Variants in PHACTR3 observed in about 807,000 individuals in gnomAD.
PHACTR3 encodes the protein protein phosphatase 1, regulatory subunit 123.
In PHACTR3, 16 loss-of-function variants were observed where a neutral mutation model predicts 66.8. That is an observed-to-expected ratio of 0.24 (90% confidence interval 0.16 to 0.36). The LOEUF (loss-of-function observed/expected upper bound fraction) is 0.36. PHACTR3 is among the 10% of genes least tolerant of loss of function. The pLI, the probability that PHACTR3 is intolerant of heterozygous loss-of-function variation, is 1.00. For synonymous variants in PHACTR3, 323 were observed against 292.1 expected (o/e 1.11, Z -1.08); for missense variants, 647 against 719.9 (o/e 0.90, Z 1.16).
chr20:59,608,645 G>A (rs953107622), intron 1 of PHACTR3, among the ~76,000 whole-genome samples: 2 of 152,094 alleles, frequency 1.3e-5, no homozygotes, highest in Non-Finnish European at 2.9e-5. Flanking sequence ...TCCCATCACT[G>A]CTCCTCACCA....
At position 59,747,810 on chromosome 20, in the gene PHACTR3, G is replaced by A; in HGVS notation, c.333G>A (p.Lys111=). The change falls in exon 3 of 13, where the codon AAG becomes AAA. Residue 111 remains lysine (K), a synonymous_variant. Coordinates refer to ENST00000371015, the MANE Select transcript of PHACTR3 (RefSeq NM_080672.5). ...AAGGCCGAGAGGAGCTCATCAAGAA[G>A]GGGCTGCTGGAGATGATGGAGCAGG... ...GRQGREELIK[K]GLLEMMEQDA... The A allele has an allele frequency of 6.2e-7, 1 of 1,614,136 alleles. No homozygotes were observed. The highest frequency in any genetic ancestry group is 1.3e-5 in the African/African-American group (1 of 75,058).
chr20:59,654,239 G>A (rs1568962326), intron 1 of PHACTR3, among the ~76,000 whole-genome samples: 1 of 152,110 alleles, frequency 6.6e-6, no homozygotes, highest in African/African-American at 2.4e-5. Flanking sequence ...TAAGAAACAA[G>A]CTTTTATTCT....
At chr20:59,819,384 C>A (rs1387175179) in intron 8 of PHACTR3, among the ~76,000 whole-genome samples, 4 of 152,172 alleles carry the variant, frequency 2.6e-5, no homozygotes, top group African/African-American at 9.6e-5. Context: ...AATTTAAAAA[C>A]AGCTAGGCAT....
chr20:59,632,509 C>G (rs1476262704), intron 1 of PHACTR3, among the ~76,000 whole-genome samples: 1 of 152,182 alleles, frequency 6.6e-6, no homozygotes. Context: ...TTTCCCCAAC[C>G]CAGCTGGAGC....
In PHACTR3 at chr20:59,716,137, A is replaced by ACC. The variant is rs1473928435; in HGVS notation, c.119-26968_119-26967dup. ...GCTCCACCCCATGTTTTCAGTCTCC[A>ACC]CCCAGACATTGCTTCGGGACCTTCA... On this transcript the variant is annotated intron_variant, in intron 1 of 12. Coordinates refer to ENST00000371015, the MANE Select transcript of PHACTR3 (RefSeq NM_080672.5). Among the ~76,000 whole-genome samples the ACC allele has an allele frequency of 4.0e-5, 6 of 150,154 alleles. No individual in the cohort carries two copies. In the East Asian group the frequency reaches 9.8e-4, roughly 25 times the overall value.
intron 1 of PHACTR3, among the ~76,000 whole-genome samples, chr20:59,630,394 G>A (rs2034620164): frequency 6.6e-6 from 1 of 152,108 alleles, no homozygotes; most frequent in African/African-American, 2.4e-5. Context: ...TGTTGGCTAG[G>A]CTGGTCTTAA....
At chr20:59,617,467 A>G (rs1426737456) in intron 1 of PHACTR3, among the ~76,000 whole-genome samples, 2 of 152,242 alleles carry the variant, frequency 1.3e-5, no homozygotes, top group Non-Finnish European at 2.9e-5. Flanking sequence ...GTGTTAAAAA[A>G]TTAACTAATA....
At chr20:59,794,281 AAG>A (rs1183748150) in intron 7 of PHACTR3, among the ~76,000 whole-genome samples, 1 of 152,178 alleles carries the variant, frequency 6.6e-6, no homozygotes, top group Admixed American at 6.5e-5. Flanking sequence ...TGACTTCATT[AAG>A]AGGTTTTATT....
chr20:59,766,524 C>CT (rs941422419), intron 4 of PHACTR3, among the ~76,000 whole-genome samples: 1 of 151,996 alleles, frequency 6.6e-6, no homozygotes, highest in African/African-American at 2.4e-5. Flanking sequence ...GATGGGCAGG[C>CT]TGAGGGGTGG....
In PHACTR3 at chr20:59,651,827, TGGTAGGTAGGTAGGTAGGTAGGTAGGTA is replaced by T. The variant is rs3042679; in HGVS notation, c.118+46721_118+46748del. Reference sequence around the variant, plus strand: ...AGAAACCCAACCAACAGGATCTTTTTGGTAGGTAGGTAGGTAGGTAGGTAGGTAGGTAGGTAGGTAGGTAGGTAGGTAG... The same window carrying T: ...AGAAACCCAACCAACAGGATCTTTTTGGTAGGTAGGTAGGTAGGTAGGTAG... On this transcript the variant is annotated intron_variant, in intron 1 of 12. Transcript: ENST00000371015. 1.1e-4 allele frequency among the ~76,000 whole-genome samples: 16 copies of T among 147,814 alleles called. 1 individual carries two copies. In the South Asian group the frequency reaches 1.8e-3, roughly 16 times the overall value.
intron 8 of PHACTR3, among the ~76,000 whole-genome samples, chr20:59,832,082 G>A (rs1402899738): frequency 1.3e-5 from 2 of 152,168 alleles, no homozygotes; most frequent in Admixed American, 6.5e-5. Flanking sequence ...CCTCATCCCA[G>A]CTGTGTCCCT....
intron 1 of PHACTR3, among the ~76,000 whole-genome samples, chr20:59,670,604 G>GC (rs2036155862): frequency 7.8e-6 from 1 of 128,412 alleles, no homozygotes; most frequent in Admixed American, 7.6e-5. Context: ...TCTGCCGGGG[G>GC]TGGGGGGGGG....
At chr20:59,687,701 T>G (rs1379453300) in intron 1 of PHACTR3, among the ~76,000 whole-genome samples, 1 of 152,142 alleles carries the variant, frequency 6.6e-6, no homozygotes, top group Non-Finnish European at 1.5e-5. Flanking sequence ...ATTTTCACAC[T>G]TCACCCCTAA....
chr20:59,774,375 A>G lies in PHACTR3; in HGVS notation c.1059A>G (p.Arg353=), dbSNP rs1329388209. Residue 353 remains arginine (R), a synonymous_variant, in exon 7 of 13, where the codon CGA becomes CGG. Transcript: ENST00000371015. ...WSFDGALENK[R]TAAKESEENK... is the part of the protein sequence containing the mutation. Reference sequence around the variant, plus strand: ...TTGACGGGGCATTGGAGAACAAGCGAACTGCCGCTAAGGAATCTGAGGAGA... The same window carrying G: ...TTGACGGGGCATTGGAGAACAAGCGGACTGCCGCTAAGGAATCTGAGGAGA... 1 of 1,614,082 alleles carries G rather than the reference A, an allele frequency of 6.2e-7. No individual in the cohort carries two copies. Among genetic ancestry groups the G allele is most frequent in the Non-Finnish European group, 8.5e-7 (1 of 1,180,044 alleles).
At chr20:59,595,321 G>A (rs1323344028) in intron 1 of PHACTR3, among the ~76,000 whole-genome samples, 1 of 152,114 alleles carries the variant, frequency 6.6e-6, no homozygotes, top group Non-Finnish European at 1.5e-5. Flanking sequence ...ACTTAGCCCG[G>A]CATGGTGGTG....
At chr20:59,793,649 A>G (rs1414546319) in intron 7 of PHACTR3, among the ~76,000 whole-genome samples, 1 of 152,070 alleles carries the variant, frequency 6.6e-6, no homozygotes, top group Non-Finnish European at 1.5e-5. Flanking sequence ...ACTTTATGGA[A>G]TTTGTTTATT....
chr20:59,583,231 G>GTAACCTTATTACA (rs1211827626), intron 1 of PHACTR3, among the ~76,000 whole-genome samples: 2 of 152,190 alleles, frequency 1.3e-5, no homozygotes, highest in African/African-American at 4.8e-5. Context: ...AGGAGTCACT[G>GTAACCTTATTACA]GGTTTAACCC....
At chr20:59,844,139 TTAGAA>T (rs2059112231) in intron 11 of PHACTR3, 1 of 152,058 alleles carries the variant, frequency 6.6e-6, no homozygotes, top group Non-Finnish European at 1.5e-5. Flanking sequence ...CTTATTCCAG[TTAGAA>T]TAGTTATTAA....
At position 59,668,128 on chromosome 20, in the gene PHACTR3, G is replaced by A. The variant is rs116503790; in HGVS notation, c.118+62996G>A. Among the ~76,000 whole-genome samples the A allele has an allele frequency of 2.5e-3, 379 of 152,014 alleles. 2 individuals are homozygous for A. Among genetic ancestry groups the A allele is most frequent in the African/African-American group, 8.5e-3 (354 of 41,444 alleles). On this transcript the variant is annotated intron_variant, in intron 1 of 12. Coordinates refer to ENST00000371015, the MANE Select transcript of PHACTR3 (RefSeq NM_080672.5). ...CCTGTATGGGGTTAGAGATGGACACGTATGCCTGTACGGGCTTAGAGGTGG... is the reference window on the plus strand; with the variant it reads ...CCTGTATGGGGTTAGAGATGGACACATATGCCTGTACGGGCTTAGAGGTGG...
Sources: allele counts gnomAD v4.1 joint callset (sites outside exome capture counted in the v4.1 genomes callset), GRCh38; gene constraint gnomAD v4.1.1; transcripts MANE v1.5; gene names NCBI Gene and HGNC (gene_info 2026-07-23, HGNC 2026-07-21).